The following RALGAPB variants were observed in gnomAD, a reference collection of about 807,000 sequenced individuals.
RALGAPB encodes the protein ral GTPase-activating protein subunit beta.
A neutral mutation model predicts 161.1 loss-of-function variants in RALGAPB; 25 were observed. That is an observed-to-expected ratio of 0.16 (90% CI 0.11 to 0.22). The LOEUF is 0.22. Ranked by LOEUF, RALGAPB falls within the 10% of genes least tolerant of loss-of-function variation. The probability of loss-of-function intolerance (pLI) is 1.00; values close to 1 mark genes in which losing one functional copy is unlikely to be tolerated. For missense variants in RALGAPB, 1,391 were observed against 1,815.2 expected (o/e 0.77, Z 4.25); for synonymous variants, 629 against 626.1 (o/e 1.00, Z -0.07).
chr20:38,504,327 T>C (rs1389251167), intron 5 of RALGAPB, among the ~76,000 whole-genome samples: 1 of 152,110 alleles, frequency 6.6e-6, no homozygotes, highest in African/African-American at 2.4e-5. Flanking sequence ...AAACAAGCAA[T>C]GGGGAAAGGA....
intron 6 of RALGAPB, among the ~76,000 whole-genome samples, chr20:38,515,879 A>G (rs780075926): frequency 3.9e-5 from 6 of 152,138 alleles, no homozygotes; most frequent in Non-Finnish European, 8.8e-5. Context: ...GACCATAGGC[A>G]CGTGCCACCA....
In RALGAPB at chr20:38,493,087, A is replaced by G; in HGVS notation, c.344A>G (p.Tyr115Cys). 1 of 1,611,792 alleles carries G rather than the reference A, an allele frequency of 6.2e-7. No homozygotes were observed. ...PLPVIKEPNQ[Y>C]VQTILKHLQN... ...CCAGTTATTAAAGAGCCTAATCAAT[A>G]TGTTCAAACTATACTAAAACACCTA... is the stretch of plus-strand genomic sequence containing the variant. Residue 115 changes from tyrosine (Y) to cysteine (C), a missense_variant, in exon 3 of 30, where the codon TAT (tyrosine) becomes TGT (cysteine). Physicochemically the swap from Tyr to Cys is radical, Grantham distance 194. Coordinates refer to ENST00000262879, the MANE Select transcript of RALGAPB (RefSeq NM_020336.4).
In RALGAPB at chr20:38,513,503, T is replaced by C. The variant is rs115428047; in HGVS notation, c.873-2689T>C. 7.3e-3 allele frequency among the ~76,000 whole-genome samples: 1,111 copies of C among 151,478 alleles called. 14 individuals are homozygous for C. The highest frequency in any genetic ancestry group is 0.026 in the African/African-American group (1,068 of 41,222). On this transcript the variant is annotated intron_variant, in intron 6 of 29. Coordinates refer to ENST00000262879, the MANE Select transcript of RALGAPB (RefSeq NM_020336.4). ...GGGTGGGGGGGAAGCAAAAAACAAA[T>C]TAGCTGAGTATAGTGGTGCACCTGT...
chr20:38,522,954 C>T (rs2086334652), intron 10 of RALGAPB, among the ~76,000 whole-genome samples: 1 of 152,188 alleles, frequency 6.6e-6, no homozygotes, highest in Non-Finnish European at 1.5e-5. Flanking sequence ...CTTCTCTTCT[C>T]TGCAGATCAT....
At chr20:38,553,017 T>C (rs558519806) in intron 21 of RALGAPB, among the ~76,000 whole-genome samples, 1 of 152,190 alleles carries the variant, frequency 6.6e-6, no homozygotes, top group South Asian at 2.1e-4. Context: ...AGGATGCTAA[T>C]GGAGTGGGAA....
chr20:38,514,142 G>A (rs759548049), intron 6 of RALGAPB, among the ~76,000 whole-genome samples: 5 of 152,206 alleles, frequency 3.3e-5, no homozygotes, highest in Admixed American at 3.3e-4. Context: ...GTCTTACTAG[G>A]CTCCATGAAG....
intron 6 of RALGAPB, among the ~76,000 whole-genome samples, chr20:38,514,553 A>G (rs1179051820): frequency 6.6e-6 from 1 of 152,204 alleles, no homozygotes; most frequent in Non-Finnish European, 1.5e-5. Context: ...GCAGGTCATG[A>G]GGATTTTTTA....
At chr20:38,536,816 G>A (rs1427534723) in intron 16 of RALGAPB, among the ~76,000 whole-genome samples, 1 of 152,152 alleles carries the variant, frequency 6.6e-6, no homozygotes, top group East Asian at 1.9e-4. Flanking sequence ...TAAGCTGTAA[G>A]AAACAAAATA....
At position 38,541,024 on chromosome 20, in the gene RALGAPB, G is replaced by T. The variant is rs760246844; in HGVS notation, c.2563-17G>T. The T allele has an allele frequency of 6.2e-7, 1 of 1,611,576 alleles. No individual in the cohort carries two copies. On this transcript the variant is annotated splice_polypyrimidine_tract_variant and intron_variant, in intron 17 of 29. Transcript: ENST00000262879. The stretch of plus-strand genomic sequence containing the variant: ...AAAGGTGTGTTCTAAAAATTGATCT[G>T]CCTTTCCTGCTTTTAGGACTGCCTT...
At chr20:38,574,726 G>T in intron 29 of RALGAPB, 48 bp from the exon 30 acceptor site, 2 of 1,539,372 alleles carry the variant, frequency 1.3e-6, no homozygotes, top group Non-Finnish European at 1.8e-6. Context: ...GTTCACCTAC[G>T]TAAGTGACTA....
chr20:38,565,950 T>A (rs1298849133), intron 25 of RALGAPB, among the ~76,000 whole-genome samples: 6 of 152,190 alleles, frequency 3.9e-5, no homozygotes, highest in Non-Finnish European at 7.3e-5. Context: ...GGTCCAAGAC[T>A]TTTTAAGAAT....
At chr20:38,552,329 C>T (rs556202493) in intron 21 of RALGAPB, among the ~76,000 whole-genome samples, 21 of 152,058 alleles carry the variant, frequency 1.4e-4, no homozygotes, top group East Asian at 3.9e-4. Flanking sequence ...TTAGTAGAGA[C>T]GGGATTTCAC....
intron 15 of RALGAPB, 93 bp from the exon 16 acceptor site, chr20:38,534,981 T>C (rs2086760033): frequency 2.1e-6 from 3 of 1,442,086 alleles, no homozygotes; most frequent in African/African-American, 1.4e-5. Flanking sequence ...CTGTGGCTGC[T>C]GTGGTCTGTG....
intron 13 of RALGAPB, among the ~76,000 whole-genome samples, chr20:38,528,236 T>C (rs2086531181): frequency 6.6e-6 from 1 of 152,180 alleles, no homozygotes. Flanking sequence ...TAGTTTATAT[T>C]ACCCTTGAAA....
intron 7 of RALGAPB, 143 bp downstream of exon 7, chr20:38,516,513 CA>C (rs2086127614): frequency 1.2e-6 from 1 of 823,590 alleles, no homozygotes; most frequent in Admixed American, 3.1e-5. Context: ...AAATTATTTG[CA>C]ACAAATAAAA....
Position 38,574,994 on chromosome 20 carries a change from C to T in RALGAPB, c.*27C>T. On this transcript the variant is annotated 3_prime_UTR_variant, in exon 30 of 30. Coordinates refer to ENST00000262879, the MANE Select transcript of RALGAPB (RefSeq NM_020336.4). ...CCACTGAATTTCTAAGACTGTTGAA[C>T]TCCAGTTTGGGAACTATAACACAGC... The T allele has an allele frequency of 1.3e-6, 2 of 1,560,786 alleles. No individual in the cohort carries two copies. The highest frequency in any genetic ancestry group is 1.1e-5 in the South Asian group (1 of 89,920).
At chr20:38,480,409 T>C (rs1250154028) in intron 1 of RALGAPB, among the ~76,000 whole-genome samples, 1 of 143,488 alleles carries the variant, frequency 7.0e-6, no homozygotes, top group African/African-American at 2.6e-5. Flanking sequence ...TTTTTTGAGA[T>C]GGAGTCTCGC....
chr20:38,489,075 T>C (rs1248070746), intron 2 of RALGAPB, among the ~76,000 whole-genome samples: 1 of 152,220 alleles, frequency 6.6e-6, no homozygotes, highest in Admixed American at 6.5e-5. Flanking sequence ...AGCTCTCCCC[T>C]GTCCCCATCC....
Position 38,541,096 on chromosome 20 carries a change from C to A in RALGAPB, c.2618C>A (p.Ser873Tyr). Residue 873 changes from serine (S) to tyrosine (Y), a missense_variant, in exon 18 of 30, where the codon TCC becomes TAC. Coordinates refer to ENST00000262879, the MANE Select transcript of RALGAPB (RefSeq NM_020336.4). ...IVELGISGSK[S>Y]KNNEQEVKYK... is the part of the protein sequence containing the mutation. ...GAACTGGGTATCTCAGGAAGTAAGT[C>A]CAAGAACAATGAGCAAGAGGTCAAG... 1.2e-6 allele frequency: 2 copies of A among 1,613,946 alleles called. No individual in the cohort carries two copies. The highest frequency in any genetic ancestry group is 1.7e-6 in the Non-Finnish European group (2 of 1,179,972).
Sources: allele counts gnomAD v4.1 joint callset (sites outside exome capture counted in the v4.1 genomes callset), GRCh38; gene constraint gnomAD v4.1.1; transcripts MANE v1.5; gene names NCBI Gene and HGNC (gene_info 2026-07-23, HGNC 2026-07-21).